Variants in TRPC4 observed in about 807,000 individuals in gnomAD.
TRPC4 encodes the protein short transient receptor potential channel 4.
Under a neutral mutation model 99.4 loss-of-function variants are expected in TRPC4, and 49 were observed. The ratio of observed to expected loss-of-function variants is 0.49; its 90% CI spans 0.39 to 0.63. TRPC4 has a LOEUF of 0.63. Ranked by LOEUF, TRPC4 falls within the 20% of genes least tolerant of loss-of-function variation. The probability of loss-of-function intolerance (pLI) is 0.00; values close to 1 mark genes in which losing one functional copy is unlikely to be tolerated. For missense variants in TRPC4, 898 were observed against 1,152.9 expected, an observed-to-expected ratio of 0.78 and a Z score of 3.20; for synonymous variants, 454 against 425.9, an observed-to-expected ratio of 1.07 and a Z score of -0.81.
At chr13:37,857,282 A>G (rs866909312) in intron 1 of TRPC4, among the ~76,000 whole-genome samples, 8 of 151,856 alleles carry the variant, frequency 5.3e-5, no homozygotes, top group African/African-American at 7.2e-5. Flanking sequence ...GACACCAAAA[A>G]TGGACAGATA....
At chr13:37,823,652 C>A (rs1175225744) in intron 1 of TRPC4, among the ~76,000 whole-genome samples, 1 of 150,518 alleles carries the variant, frequency 6.6e-6, no homozygotes, top group Non-Finnish European at 1.5e-5. Flanking sequence ...GGTACCAGTA[C>A]CATGCTGTTT....
At chr13:37,840,451 C>G (rs1460212732) in intron 1 of TRPC4, among the ~76,000 whole-genome samples, 4 of 151,964 alleles carry the variant, frequency 2.6e-5, no homozygotes, top group Admixed American at 2.6e-4. Context: ...CCTTTTATAT[C>G]AATGTCCTGC....
At position 37,746,096 on chromosome 13, in the gene TRPC4, C is replaced by A; in HGVS notation, c.738G>T (p.Arg246=). The A allele has an allele frequency of 6.2e-7, 1 of 1,613,918 alleles. No individual in the cohort carries two copies. The highest frequency in any genetic ancestry group is 1.3e-5 in the African/African-American group (1 of 75,030). The change falls in exon 3 of 11, where the codon CGG becomes CGT. Residue 246 remains arginine, a synonymous_variant. Coordinates refer to ENST00000379705, the MANE Select transcript of TRPC4 (RefSeq NM_016179.4). ...GGTCCTTAGCAAATTGTTTGCACTG[C>A]CGTGACAGCTCTTCATACTCCGACT... ...EFKSEYEELS[R]QCKQFAKDLL...
intron 1 of TRPC4, among the ~76,000 whole-genome samples, chr13:37,809,990 A>G (rs1250685079): frequency 7.2e-6 from 1 of 139,462 alleles, no homozygotes; most frequent in Non-Finnish European, 1.6e-5. Context: ...AACTTTTGGA[A>G]TTCATATGAA....
At chr13:37,774,563 T>A (rs1355503304) in intron 2 of TRPC4, among the ~76,000 whole-genome samples, 1 of 151,752 alleles carries the variant, frequency 6.6e-6, no homozygotes, top group Non-Finnish European at 1.5e-5. Flanking sequence ...GGTAAACTTG[T>A]GTCATGGGAG....
At chr13:37,769,567 G>T (rs567648873) in intron 2 of TRPC4, among the ~76,000 whole-genome samples, 183 of 151,396 alleles carry the variant, frequency 1.2e-3, no homozygotes, top group Non-Finnish European at 2.3e-3. Context: ...TTCAAACTTT[G>T]CTGTCTTATA....
intron 1 of TRPC4, among the ~76,000 whole-genome samples, chr13:37,845,417 A>G (rs1958864296): frequency 2.0e-5 from 3 of 152,138 alleles, no homozygotes; most frequent in Non-Finnish European, 4.4e-5. Context: ...AAAATTTGGG[A>G]AAAAGTTATA....
chr13:37,838,778 A>G (rs1038836150), intron 1 of TRPC4, among the ~76,000 whole-genome samples: 1 of 152,202 alleles, frequency 6.6e-6, no homozygotes, highest in African/African-American at 2.4e-5. Context: ...AGGAAAGTTA[A>G]GAATATATAT....
chr13:37,729,889 A>C (rs1177315438), intron 3 of TRPC4, among the ~76,000 whole-genome samples: 1 of 152,096 alleles, frequency 6.6e-6, no homozygotes. Flanking sequence ...AGATGGAAGC[A>C]GTTCTAGAGT....
chr13:37,854,558 A>C (rs1287119454), intron 1 of TRPC4, among the ~76,000 whole-genome samples: 1 of 152,130 alleles, frequency 6.6e-6, no homozygotes, highest in Admixed American at 6.6e-5. Context: ...TGTTATGTAG[A>C]CAGTATAATA....
At chr13:37,668,622 T>C (rs566242901) in intron 5 of TRPC4, among the ~76,000 whole-genome samples, 1 of 152,184 alleles carries the variant, frequency 6.6e-6, no homozygotes, top group Non-Finnish European at 1.5e-5. Flanking sequence ...AACTGAATCA[T>C]AATATTGGAT....
At chr13:37,788,017 C>T (rs1957015681) in intron 1 of TRPC4, among the ~76,000 whole-genome samples, 1 of 152,094 alleles carries the variant, frequency 6.6e-6, no homozygotes, top group Non-Finnish European at 1.5e-5. Flanking sequence ...ATTTTTACCT[C>T]ATGGGATTGA....
chr13:37,675,019 T>G (rs1952997214), intron 4 of TRPC4, among the ~76,000 whole-genome samples: 1 of 152,202 alleles, frequency 6.6e-6, no homozygotes. Context: ...TATTAAAATT[T>G]TATAATTTCG....
chr13:37,866,014 G>A (rs1035615151), intron 1 of TRPC4, among the ~76,000 whole-genome samples: 4 of 151,612 alleles, frequency 2.6e-5, no homozygotes, highest in African/African-American at 9.7e-5. Flanking sequence ...AATAGGTCCT[G>A]TTTCAGGTAA....
chr13:37,762,602 T>C (rs9805508), intron 2 of TRPC4, among the ~76,000 whole-genome samples: 31 of 150,202 alleles, frequency 2.1e-4, no homozygotes, highest in Non-Finnish European at 3.7e-4. Flanking sequence ...TCATTCTCAG[T>C]AAACTATAGC....
intron 2 of TRPC4, among the ~76,000 whole-genome samples, chr13:37,775,055 G>T (rs374752064): frequency 6.6e-6 from 1 of 151,534 alleles, no homozygotes; most frequent in Non-Finnish European, 1.5e-5. Flanking sequence ...GGATTAGAGG[G>T]CTCTAATAAA....
chr13:37,760,335 T>A (rs1956190065), intron 2 of TRPC4, among the ~76,000 whole-genome samples: 1 of 151,976 alleles, frequency 6.6e-6, no homozygotes. Context: ...CCCTCTCACC[T>A]ATCCAGTTCT....
At chr13:37,664,845 AATAG>A (rs1952582726) in intron 5 of TRPC4, among the ~76,000 whole-genome samples, 1 of 152,128 alleles carries the variant, frequency 6.6e-6, no homozygotes, top group African/African-American at 2.4e-5. Context: ...CCTTGAAACT[AATAG>A]ATAGTATTTT....
At chr13:37,813,486 C>T (rs1454324476) in intron 1 of TRPC4, among the ~76,000 whole-genome samples, 1 of 151,194 alleles carries the variant, frequency 6.6e-6, no homozygotes, top group East Asian at 1.9e-4. Context: ...GAAACTTTAG[C>T]TAAACAGACC....
Sources: gnomAD v4.1 joint callset for allele counts (sites outside exome capture counted in the v4.1 genomes callset) on GRCh38, gnomAD v4.1.1 for gene constraint, MANE v1.5 for transcripts, NCBI Gene and HGNC (gene_info 2026-07-23, HGNC 2026-07-21) for gene names.